Variants in STK10 observed in about 807,000 individuals in gnomAD.
The protein encoded by STK10 is serine/threonine kinase 10, also known as serine/threonine-protein kinase 10.
A neutral mutation model predicts 113.8 loss-of-function variants in STK10; 78 were observed. That is an observed-to-expected ratio of 0.69 (90% CI 0.57 to 0.83). The LOEUF is 0.83. Among genes scored for constraint, STK10 ranks in the 40% least tolerant of loss-of-function variants. The pLI is 0.00. For missense variants in STK10, 1,109 were observed against 1,280.1 expected, an observed-to-expected ratio of 0.87 and a Z score of 2.04; for synonymous variants, 465 against 494.7, an observed-to-expected ratio of 0.94 and a Z score of 0.80.
At chr5:172,096,601 G>A in intron 7 of STK10, 41 bp from the exon 8 acceptor site, 1 of 1,604,276 alleles carries the variant, frequency 6.2e-7, no homozygotes, top group Middle Eastern at 1.7e-4. Context: ...CCACTCTGGG[G>A]TCACGGTGGG....
chr5:172,080,862 A>G (rs1768412401), intron 12 of STK10, among the ~76,000 whole-genome samples: 1 of 152,262 alleles, frequency 6.6e-6, no homozygotes, highest in African/African-American at 2.4e-5. Flanking sequence ...GCACTAAACA[A>G]TGGATTTTCA....
At chr5:172,107,902 A>G (rs1269733334) in intron 4 of STK10, 50 bp from the exon 5 acceptor site, 1 of 1,564,930 alleles carries the variant, frequency 6.4e-7, no homozygotes. Context: ...CCCTGGGGTA[A>G]AAGCCGGGGA....
At chr5:172,080,055 G>A (rs945615862) in intron 12 of STK10, among the ~76,000 whole-genome samples, 1 of 152,048 alleles carries the variant, frequency 6.6e-6, no homozygotes, top group East Asian at 1.9e-4. Flanking sequence ...CTCACTTCCT[G>A]TCTGTTCACA....
chr5:172,096,524 G>C lies in STK10; in HGVS notation c.907C>G (p.Leu303Val). 3 of 1,613,748 alleles carry C rather than the reference G, an allele frequency of 1.9e-6. No individual in the cohort carries two copies. Among genetic ancestry groups the C allele is most frequent in the Non-Finnish European group, 2.5e-6 (3 of 1,180,052 alleles). Residue 303 changes from leucine (L) to valine (V), a missense_variant, in exon 8 of 19, where the codon CTG becomes GTG. By Grantham distance (32) the Leu-to-Val change is conservative (BLOSUM62 1). Coordinates refer to ENST00000176763, the MANE Select transcript of STK10 (RefSeq NM_005990.4). Reference protein sequence around the residue: ...FVSSITSNKALRELVAEAKAE... With the variant: ...FVSSITSNKAVRELVAEAKAE... ...TTGGCCTCAGCCACCAGCTCCCGCAGAGCCTTGTTACTGGTGATGCTGCTG... is the reference window on the plus strand; with the variant it reads ...TTGGCCTCAGCCACCAGCTCCCGCACAGCCTTGTTACTGGTGATGCTGCTG...
chr5:172,154,270 C>A (rs1358714029), intron 2 of STK10, among the ~76,000 whole-genome samples: 1 of 152,198 alleles, frequency 6.6e-6, no homozygotes. Flanking sequence ...AAGGGTTGTA[C>A]TTTGAGAACC....
At chr5:172,118,285 GA>G (rs1769432067) in intron 3 of STK10, among the ~76,000 whole-genome samples, 3 of 152,218 alleles carry the variant, frequency 2.0e-5, no homozygotes, top group Non-Finnish European at 4.4e-5. Context: ...GCCCGACTGA[GA>G]CAGAGAGATC....
chr5:172,099,862 C>A (rs1768943594), intron 7 of STK10, among the ~76,000 whole-genome samples: 1 of 152,218 alleles, frequency 6.6e-6, no homozygotes, highest in African/African-American at 2.4e-5. Flanking sequence ...ATGTATTGAT[C>A]AAATCAGTGG....
chr5:172,169,299 G>A (rs1040582923), intron 1 of STK10, among the ~76,000 whole-genome samples: 1 of 152,204 alleles, frequency 6.6e-6, no homozygotes, highest in African/African-American at 2.4e-5. Context: ...ACTCCTCTCA[G>A]TCTACCCTAC....
intron 18 of STK10, among the ~76,000 whole-genome samples, chr5:172,048,400 C>T (rs1188678656): frequency 1.5e-5 from 2 of 133,254 alleles, no homozygotes; most frequent in African/African-American, 2.8e-5. Context: ...AATCAATTTC[C>T]CTCTCCCTCT....
In STK10 at chr5:172,161,680, G is replaced by A. The variant is rs558230199; in HGVS notation, c.157-4892C>T. On this transcript the variant is annotated intron_variant, in intron 1 of 18. Coordinates refer to ENST00000176763, the MANE Select transcript of STK10 (RefSeq NM_005990.4). ...TGATCCACTCTGCATGCAGCACTAG[G>A]CAGTGCTGCTTATATGTGTCAGTGC... 5.8e-4 allele frequency among the ~76,000 whole-genome samples: 89 copies of A among 152,256 alleles called. No individual in the cohort carries two copies. In the South Asian group the frequency reaches 0.018, roughly 31 times the overall value.
chr5:172,093,933 A>T lies in STK10; in HGVS notation c.1033T>A (p.Ser345Thr). Residue 345 changes from serine (S) to threonine (T), a missense_variant, in exon 9 of 19, where the codon TCT (serine) becomes ACT (threonine). By Grantham distance (58) the Ser-to-Thr change is moderately conservative. Coordinates refer to ENST00000176763, the MANE Select transcript of STK10 (RefSeq NM_005990.4). The surrounding 1 kb of genome is among the most constrained non-coding windows in gnomAD (Gnocchi z 4.1). ...TTGAGGCTTGGCGGACTCACCTCAG[A>T]GGAGTTCTGAGTATGGTTCTCCAGG... ...STLENHTQNS[S>T]EVSPPSLNAD... 1 of 1,513,826 alleles carries T rather than the reference A, an allele frequency of 6.6e-7. No homozygotes were observed. Among genetic ancestry groups the T allele is most frequent in the Non-Finnish European group, 8.8e-7 (1 of 1,130,612 alleles). 93.8% of individuals were successfully genotyped at this position (1,513,826 alleles called of 1,614,324 possible). A position where few individuals can be genotyped will look rare whatever the true frequency, so the allele number is the denominator to read the frequency against.
At chr5:172,068,011 G>C (rs4868139) in intron 12 of STK10, among the ~76,000 whole-genome samples, 49,276 of 152,014 alleles carry the variant, frequency 0.32, 8,180 homozygotes, top group East Asian at 0.38. Context: ...ACAGACACTA[G>C]GGAGGCCAAA....
intron 1 of STK10, among the ~76,000 whole-genome samples, chr5:172,186,945 C>G (rs570093655): frequency 6.6e-6 from 1 of 152,012 alleles, no homozygotes; most frequent in Non-Finnish European, 1.5e-5. Context: ...GCTACAGGAG[C>G]CCCAAGGAGG....
At chr5:172,140,877 A>G (rs1186323924) in intron 2 of STK10, among the ~76,000 whole-genome samples, 1 of 152,180 alleles carries the variant, frequency 6.6e-6, no homozygotes. Flanking sequence ...AATGTCCACC[A>G]AGAGATGAAT....
intron 2 of STK10, among the ~76,000 whole-genome samples, chr5:172,130,346 A>C (rs1581170380): frequency 6.6e-6 from 1 of 152,150 alleles, no homozygotes; most frequent in East Asian, 1.9e-4. Context: ...GCCTGGCCAA[A>C]ATGGCAAAAC....
rs565507490 is a variant in STK10, at chr5:172,186,270, C to T, written c.156+1617G>A. On this transcript the variant is annotated intron_variant, in intron 1 of 18. Coordinates refer to ENST00000176763, the MANE Select transcript of STK10 (RefSeq NM_005990.4). ...CAGCTTGGGCAATAGAGTGAGACTC[C>T]GTCTCACAAAAAATAAAAATAAAAA... Among the ~76,000 whole-genome samples the T allele has an allele frequency of 2.6e-4, 40 of 151,242 alleles. 1 individual carries two copies. In the South Asian group the frequency reaches 5.2e-3, roughly 20 times the overall value.
At chr5:172,090,635 G>A (rs1157784673) in intron 9 of STK10, among the ~76,000 whole-genome samples, 3 of 152,110 alleles carry the variant, frequency 2.0e-5, no homozygotes, top group Admixed American at 6.6e-5. Flanking sequence ...AGGACATGGT[G>A]TCAGAAAGAG....
At position 172,082,947 on chromosome 5, in the gene STK10, T is replaced by G. The variant is rs747664068; in HGVS notation, c.1809+14A>C. 2.5e-6 allele frequency: 4 copies of G among 1,612,452 alleles called. No homozygotes were observed. The highest frequency in any genetic ancestry group is 3.4e-6 in the Non-Finnish European group (4 of 1,179,684). Reference sequence around the variant, plus strand: ...CAAGAAGCCCTGCAGGGTCCCATCTTTTCTCGCACTCACGTTGATTTCCTG... The same window carrying G: ...CAAGAAGCCCTGCAGGGTCCCATCTGTTCTCGCACTCACGTTGATTTCCTG... On this transcript the variant is annotated intron_variant, in intron 11 of 18. Transcript: ENST00000176763. This position sits in a 1 kb window ranked among gnomAD's most constrained non-coding sequence, Gnocchi z 4.3.
chr5:172,065,508 T>A (rs865943226), intron 12 of STK10, among the ~76,000 whole-genome samples: 3 of 152,196 alleles, frequency 2.0e-5, no homozygotes, highest in South Asian at 2.1e-4. Context: ...TACAGGCATG[T>A]GCCACCGCGC....
Sources: gnomAD v4.1 joint callset for allele counts (sites outside exome capture counted in the v4.1 genomes callset) on GRCh38, gnomAD v4.1.1 for gene constraint, Gnocchi (gnomAD v3.1) non-coding constraint, MANE v1.5 for transcripts, NCBI Gene and HGNC (gene_info 2026-07-23, HGNC 2026-07-21) for gene names.